The following SHANK2 variants were observed in gnomAD, a reference collection of about 807,000 sequenced individuals.
SHANK2 encodes the protein SH3 and multiple ankyrin repeat domains protein 2.
A neutral mutation model predicts 133.7 loss-of-function variants in SHANK2; 43 were observed. The observed-to-expected ratio is 0.32, with a 90% confidence interval of 0.25 to 0.41. The LOEUF (loss-of-function observed/expected upper bound fraction) is 0.41. Ranked by LOEUF, SHANK2 falls within the 10% of genes least tolerant of loss-of-function variation. The pLI, the probability that SHANK2 is intolerant of heterozygous loss-of-function variation, is 1.00. For missense variants in SHANK2, 1,994 were observed against 2,235.8 expected (o/e 0.89, Z 2.18); for synonymous variants, 1,017 against 952.8 (o/e 1.07, Z -1.24).
intron 14 of SHANK2, among the ~76,000 whole-genome samples, chr11:70,767,870 C>A (rs1947156473): frequency 6.6e-6 from 1 of 152,320 alleles, no homozygotes. Context: ...CAAAAACCTT[C>A]CAGAATGGTC....
intron 16 of SHANK2, among the ~76,000 whole-genome samples, chr11:70,661,086 A>G (rs2061481051): frequency 6.6e-6 from 1 of 152,126 alleles, no homozygotes; most frequent in Admixed American, 6.5e-5. Context: ...ATCTTGTCAC[A>G]TTTCCTTTGC....
intron 14 of SHANK2, among the ~76,000 whole-genome samples, chr11:70,736,478 A>C (rs1946406751): frequency 6.6e-6 from 1 of 152,166 alleles, no homozygotes. Context: ...GAGAGTCAGA[A>C]GAGAAGACAC....
chr11:71,144,089 G>T (rs139004053), intron 3 of SHANK2, among the ~76,000 whole-genome samples: 1,886 of 152,294 alleles, frequency 0.012, 23 homozygotes, highest in Non-Finnish European at 0.018. Flanking sequence ...AGTGACCCCG[G>T]CAAGAGAGAC....
intron 11 of SHANK2, among the ~76,000 whole-genome samples, chr11:70,891,236 C>T (rs551540707): frequency 7.2e-4 from 110 of 152,210 alleles, no homozygotes; most frequent in Non-Finnish European, 1.0e-3. Flanking sequence ...CACCAGAGGC[C>T]GGGCACGGTG....
At chr11:71,248,764 A>G (rs782533133) in intron 1 of SHANK2, among the ~76,000 whole-genome samples, 12 of 152,112 alleles carry the variant, frequency 7.9e-5, no homozygotes, top group Non-Finnish European at 1.2e-4. Context: ...GGAGGATGCA[A>G]TCAAACAACC....
intron 12 of SHANK2, among the ~76,000 whole-genome samples, chr11:70,817,837 C>T (rs1170632510): frequency 1.3e-5 from 2 of 152,156 alleles, no homozygotes; most frequent in African/African-American, 2.4e-5. Context: ...CAGGTTAGAG[C>T]GATTCTCCTG....
intron 10 of SHANK2, among the ~76,000 whole-genome samples, chr11:70,940,958 G>A (rs879976756): frequency 1.3e-5 from 2 of 152,162 alleles, no homozygotes; most frequent in African/African-American, 2.4e-5. Context: ...TGATGACCAC[G>A]GGACTGGCCT....
intron 17 of SHANK2, among the ~76,000 whole-genome samples, chr11:70,646,536 G>A (rs1430216401): frequency 6.6e-6 from 1 of 152,194 alleles, no homozygotes; most frequent in Non-Finnish European, 1.5e-5. Context: ...TCTGCTTAGG[G>A]GCTATGGAGA....
chr11:70,875,289 A>G (rs1949540185), intron 11 of SHANK2, among the ~76,000 whole-genome samples: 1 of 152,144 alleles, frequency 6.6e-6, no homozygotes, highest in African/African-American at 2.4e-5. Context: ...CGCCCCCAGT[A>G]GAGCTCTGCT....
At chr11:70,720,429 C>T (rs1946050722) in intron 14 of SHANK2, among the ~76,000 whole-genome samples, 1 of 152,216 alleles carries the variant, frequency 6.6e-6, no homozygotes, top group Admixed American at 6.5e-5. Flanking sequence ...ATGTCCCTGG[C>T]ATTCTTGGCC....
chr11:70,863,341 G>A (rs184779534), intron 11 of SHANK2: 79 of 458,134 alleles, frequency 1.7e-4, no homozygotes, highest in Admixed American at 1.7e-3. Flanking sequence ...CCCAGATGCC[G>A]GCTCCCCGAA....
At chr11:71,229,244 AAAAC>A (rs1398658125) in intron 1 of SHANK2, among the ~76,000 whole-genome samples, 21 of 152,230 alleles carry the variant, frequency 1.4e-4, no homozygotes, top group African/African-American at 2.7e-4. Context: ...ATATGGCAAA[AAAAC>A]AAACAAACAA....
intron 17 of SHANK2, chr11:70,603,424 C>T (rs528765804): frequency 3.9e-5 from 6 of 152,340 alleles, no homozygotes; most frequent in Non-Finnish European, 5.9e-5. Context: ...AAAGGCATAT[C>T]CCCAGTGTCC....
chr11:70,883,461 A>T (rs1441415952), intron 11 of SHANK2, among the ~76,000 whole-genome samples: 1 of 152,142 alleles, frequency 6.6e-6, no homozygotes, highest in Non-Finnish European at 1.5e-5. Flanking sequence ...GTCCTGGTCC[A>T]CCTGACCCCT....
At chr11:71,135,384 A>T (rs1454444505) in intron 3 of SHANK2, among the ~76,000 whole-genome samples, 1 of 152,090 alleles carries the variant, frequency 6.6e-6, no homozygotes, top group East Asian at 1.9e-4. Context: ...GTAAACAAAG[A>T]GACCGAGGAG....
intron 17 of SHANK2, among the ~76,000 whole-genome samples, chr11:70,602,534 G>T (rs1293952382): frequency 2.0e-5 from 3 of 152,176 alleles, no homozygotes; most frequent in Non-Finnish European, 2.9e-5. Context: ...ATCAGTGATG[G>T]GACGGGTCAC....
intron 17 of SHANK2, among the ~76,000 whole-genome samples, chr11:70,589,919 C>T (rs938467518): frequency 5.3e-5 from 8 of 151,878 alleles, no homozygotes; most frequent in South Asian, 2.1e-4. Context: ...TTTGGGAGGC[C>T]GAGGCAGGAG....
chr11:70,881,178 C>T (rs146371167), intron 11 of SHANK2, among the ~76,000 whole-genome samples: 26 of 152,288 alleles, frequency 1.7e-4, no homozygotes, highest in Admixed American at 3.3e-4. Context: ...GTTGGGATTA[C>T]AGGCCTGCAC....
chr11:70,781,137 G>C (rs1562196), intron 14 of SHANK2, among the ~76,000 whole-genome samples: 17,743 of 151,984 alleles, frequency 0.12, 1,449 homozygotes, highest in Non-Finnish European at 0.16. Context: ...GAAACTCATA[G>C]GGCTGTGAGA....
Sources: gnomAD v4.1 joint callset for allele counts (sites outside exome capture counted in the v4.1 genomes callset) on GRCh38, gnomAD v4.1.1 for gene constraint, MANE v1.5 for transcripts, NCBI Gene and HGNC (gene_info 2026-07-23, HGNC 2026-07-21) for gene names.